Variants in JAK2 observed in about 807,000 individuals in gnomAD.
JAK2 encodes the protein Janus kinase 2, also known as tyrosine-protein kinase JAK2.
JAK2 carries 86 observed loss-of-function variants against 139.3 expected under a neutral mutation model. That is an observed-to-expected ratio of 0.62 (90% CI 0.52 to 0.74). JAK2 has a LOEUF of 0.74. JAK2 is among the 30% of genes least tolerant of loss of function. The pLI is 0.00. For missense variants in JAK2, 1,421 were observed against 1,360.3 expected (o/e 1.04, Z -0.70); for synonymous variants, 490 against 437.7 (o/e 1.12, Z -1.49).
At chr9:5,091,532 G>C (rs2130687894) in intron 22 of JAK2, 1 of 152,214 alleles carries the variant, frequency 6.6e-6, no homozygotes, top group East Asian at 1.9e-4. Context: ...GTATAATTAT[G>C]GGTGTTGGTT....
At chr9:5,035,986 C>G (rs56350107) in intron 4 of JAK2, among the ~76,000 whole-genome samples, 1 of 151,936 alleles carries the variant, frequency 6.6e-6, no homozygotes, top group Non-Finnish European at 1.5e-5. Context: ...AAAACCCCAT[C>G]GTCTCAGCCC....
In JAK2 at chr9:5,043,465, T is replaced by C. The variant is rs375140549; in HGVS notation, c.351-938T>C. 3.9e-5 allele frequency among the ~76,000 whole-genome samples: 6 copies of C among 152,272 alleles called. No homozygotes were observed. In the East Asian group the frequency reaches 1.2e-3, roughly 29 times the overall value. ...ACAAACAATAACAAGTGTTAGAGAA[T>C]TTGGACTAATTTGGATGCAGTATAT... On this transcript the variant is annotated intron_variant, in intron 4 of 24. Transcript: ENST00000381652.
intron 6 of JAK2, among the ~76,000 whole-genome samples, chr9:5,052,500 A>G (rs1176118627): frequency 6.6e-6 from 1 of 152,114 alleles, no homozygotes; most frequent in African/African-American, 2.4e-5. Context: ...GAGATAATTT[A>G]CAAATCATAA....
chr9:5,081,899 T>C, intron 19 of JAK2, 38 bp downstream of exon 19: 1 of 1,535,980 alleles, frequency 6.5e-7, no homozygotes. Context: ...AGTATAATCA[T>C]TTCATTTAGG....
chr9:4,986,433 T>G (rs557403274), intron 2 of JAK2, among the ~76,000 whole-genome samples: 2 of 152,240 alleles, frequency 1.3e-5, no homozygotes, highest in Non-Finnish European at 2.9e-5. Flanking sequence ...CATGGTTTTA[T>G]CTGCCTAAGC....
intron 19 of JAK2, chr9:5,085,737 G>C: frequency 2.7e-6 from 2 of 753,542 alleles, no homozygotes; most frequent in South Asian, 1.4e-5. Flanking sequence ...AATTAAGGCT[G>C]TGGCGCGCTG....
At chr9:5,038,417 T>C (rs1816231696) in intron 4 of JAK2, among the ~76,000 whole-genome samples, 1 of 152,160 alleles carries the variant, frequency 6.6e-6, no homozygotes, top group Non-Finnish European at 1.5e-5. Context: ...CTGAGCTCTT[T>C]CTGTGAGTTC....
At chr9:5,012,822 A>T (rs974393599) in intron 2 of JAK2, among the ~76,000 whole-genome samples, 2 of 152,182 alleles carry the variant, frequency 1.3e-5, no homozygotes, top group Non-Finnish European at 2.9e-5. Flanking sequence ...CAGCAAACAG[A>T]TAATGGAATT....
chr9:5,056,677 A>G (rs1301962422), intron 8 of JAK2, among the ~76,000 whole-genome samples: 1 of 152,174 alleles, frequency 6.6e-6, no homozygotes, highest in East Asian at 1.9e-4. Context: ...TAGTTTAGAA[A>G]AAGCTTGATA....
At chr9:5,023,194 C>T (rs1334809551) in intron 3 of JAK2, among the ~76,000 whole-genome samples, 1 of 152,176 alleles carries the variant, frequency 6.6e-6, no homozygotes, top group Non-Finnish European at 1.5e-5. Flanking sequence ...TCTCTGCTAC[C>T]AATCCACTCT....
intron 3 of JAK2, among the ~76,000 whole-genome samples, chr9:5,023,958 G>A (rs1018340641): frequency 6.6e-6 from 1 of 152,114 alleles, no homozygotes; most frequent in African/African-American, 2.4e-5. Flanking sequence ...ATTTTAGCTT[G>A]TAAGATTTTT....
At chr9:5,064,361 C>A (rs1478123418) in intron 8 of JAK2, among the ~76,000 whole-genome samples, 1 of 152,082 alleles carries the variant, frequency 6.6e-6, no homozygotes, top group Admixed American at 6.6e-5. Flanking sequence ...GAGAACCTGT[C>A]TTTACTAAAA....
intron 14 of JAK2, among the ~76,000 whole-genome samples, chr9:5,076,268 A>G (rs986287633): frequency 6.6e-6 from 1 of 152,168 alleles, no homozygotes; most frequent in South Asian, 2.1e-4. Flanking sequence ...CTGACCCTGT[A>G]AAGTTCTACT....
intron 2 of JAK2, among the ~76,000 whole-genome samples, chr9:4,992,094 G>A (rs1406551304): frequency 1.3e-5 from 2 of 152,172 alleles, no homozygotes; most frequent in Admixed American, 1.3e-4. Context: ...GACATGAGTT[G>A]GGAAGAATTG....
At chr9:5,007,307 A>G (rs1460272741) in intron 2 of JAK2, among the ~76,000 whole-genome samples, 1 of 152,158 alleles carries the variant, frequency 6.6e-6, no homozygotes, top group Non-Finnish European at 1.5e-5. Flanking sequence ...GATTCAAAGT[A>G]TTTTTAAAGT....
In JAK2 at chr9:5,022,274, T is replaced by G. The variant is rs182383262; in HGVS notation, c.226+61T>G. The G allele has an allele frequency of 4.0e-4, 428 of 1,081,812 alleles. 2 individuals carry two copies. The African/African-American group carries it at 4.7e-3, about 12-fold the overall frequency. The allele number at this position is 1,081,812 out of a possible 1,614,324, so 67.0% of individuals were successfully genotyped here. A position where few individuals can be genotyped will look rare whatever the true frequency, so the allele number is the denominator to read the frequency against. Reference sequence around the variant, plus strand: ...ATGGATTGTTTTAATTATGCTATGCTAATACTAGGTACATGCATAATATAT... The same window carrying G: ...ATGGATTGTTTTAATTATGCTATGCGAATACTAGGTACATGCATAATATAT... On this transcript the variant is annotated intron_variant, in intron 3 of 24. Coordinates refer to ENST00000381652, the MANE Select transcript of JAK2 (RefSeq NM_004972.4).
intron 5 of JAK2, among the ~76,000 whole-genome samples, chr9:5,048,018 T>C (rs1298010430): frequency 6.6e-6 from 1 of 152,226 alleles, no homozygotes; most frequent in Non-Finnish European, 1.5e-5. Context: ...AACTTTTCTC[T>C]AGTGAATAGT....
intron 22 of JAK2, among the ~76,000 whole-genome samples, chr9:5,117,058 C>T (rs1215105011): frequency 6.6e-6 from 1 of 152,220 alleles, no homozygotes; most frequent in Non-Finnish European, 1.5e-5. Flanking sequence ...TGCCTTTCCA[C>T]TTTCATCCAT....
At chr9:5,040,869 C>T (rs985410637) in intron 4 of JAK2, 2 of 239,350 alleles carry the variant, frequency 8.4e-6, no homozygotes, top group East Asian at 1.4e-4. Context: ...GGGGCCGGAG[C>T]GCGGATCCGC....
Sources: gnomAD v4.1 joint callset for allele counts (sites outside exome capture counted in the v4.1 genomes callset) on GRCh38, gnomAD v4.1.1 for gene constraint, MANE v1.5 for transcripts, NCBI Gene and HGNC (gene_info 2026-07-23, HGNC 2026-07-21) for gene names.